The following ADAM9 variants were observed in gnomAD, a reference collection of about 807,000 sequenced individuals.
ADAM9 encodes the protein disintegrin and metalloproteinase domain-containing protein 9.
Under a neutral mutation model 108.1 loss-of-function variants are expected in ADAM9, and 54 were observed. The observed-to-expected ratio is 0.50, with a 90% CI of 0.40 to 0.63. The LOEUF (loss-of-function observed/expected upper bound fraction) is 0.63. Ranked by LOEUF, ADAM9 falls within the 20% of genes least tolerant of loss-of-function variation. ADAM9 has a pLI of 0.00. For missense variants in ADAM9, 830 were observed against 997.7 expected (o/e 0.83, Z 2.26); for synonymous variants, 316 against 336.0 (o/e 0.94, Z 0.65).
chr8:39,076,183 A>G (rs1210172585), intron 15 of ADAM9: 3 of 152,218 alleles, frequency 2.0e-5, no homozygotes, highest in Admixed American at 2.0e-4. Flanking sequence ...TCTGAGCACT[A>G]TGCTTCAAGA....
intron 16 of ADAM9, among the ~76,000 whole-genome samples, chr8:39,079,594 A>AATTT (rs1451422531): frequency 7.0e-6 from 1 of 142,200 alleles, no homozygotes. Context: ...AATATCATGA[A>AATTT]TTTTTTTTTT....
At chr8:39,052,924 T>C (rs1008061019) in intron 12 of ADAM9, among the ~76,000 whole-genome samples, 4 of 152,220 alleles carry the variant, frequency 2.6e-5, no homozygotes, top group African/African-American at 9.6e-5. Flanking sequence ...TTTTCTAAAG[T>C]GATTGTTCCA....
At chr8:39,061,648 A>G (rs1183859245) in intron 14 of ADAM9, among the ~76,000 whole-genome samples, 1 of 152,198 alleles carries the variant, frequency 6.6e-6, no homozygotes, top group Non-Finnish European at 1.5e-5. Flanking sequence ...TGGGAAGTCC[A>G]AGATAAAGGT....
At chr8:39,089,609 A>G (rs925569676) in intron 18 of ADAM9, among the ~76,000 whole-genome samples, 2 of 152,250 alleles carry the variant, frequency 1.3e-5, no homozygotes, top group Admixed American at 1.3e-4. Context: ...TTGGAAAAAT[A>G]TAAGTGTTTA....
chr8:39,023,259 A>G lies in ADAM9; in HGVS notation c.848A>G (p.Asn283Ser). 1 of 1,613,658 alleles carries G rather than the reference A, an allele frequency of 6.2e-7. No individual in the cohort carries two copies. Among genetic ancestry groups the G allele is most frequent in the South Asian group, 1.1e-5 (1 of 90,980 alleles). The change falls in exon 9 of 22, where the codon AAC becomes AGC. Residue 283 changes from asparagine to serine, a missense_variant. Coordinates refer to ENST00000487273, the MANE Select transcript of ADAM9 (RefSeq NM_003816.3). Reference protein sequence around the residue: ...IVGGAGDVLGNFVQWREKFLI... With the variant: ...IVGGAGDVLGSFVQWREKFLI... ...GGGGGTGCTGGTGATGTGCTGGGGA[A>G]CTTCGTGCAGTGGCGGGAAAAGTTT...
At chr8:39,029,722 C>A (rs991941079) in intron 11 of ADAM9, among the ~76,000 whole-genome samples, 2 of 152,124 alleles carry the variant, frequency 1.3e-5, no homozygotes, top group Admixed American at 6.5e-5. Flanking sequence ...GTCCCAGGTA[C>A]AAATCTCATT....
chr8:39,020,631 A>G (rs1052966100), intron 7 of ADAM9, among the ~76,000 whole-genome samples: 7 of 152,210 alleles, frequency 4.6e-5, no homozygotes, highest in Non-Finnish European at 8.8e-5. Flanking sequence ...TTTCATCTAC[A>G]TATGATTTTT....
chr8:39,058,857 C>T (rs967813560), intron 14 of ADAM9, among the ~76,000 whole-genome samples: 9 of 152,172 alleles, frequency 5.9e-5, no homozygotes, highest in African/African-American at 2.2e-4. Context: ...CCCATTTCCA[C>T]CCCTTGATAC....
rs1346007522 is a variant in ADAM9, at chr8:39,102,321, G to A, written c.2366+391G>A. Reference sequence around the variant, plus strand: ...AGGCATAGAAGACTAAAGAAGTGAGGAATTGTGGGGGTAAGGTCAGGAGAG... The same window carrying A: ...AGGCATAGAAGACTAAAGAAGTGAGAAATTGTGGGGGTAAGGTCAGGAGAG... On this transcript the variant is annotated intron_variant, in intron 21 of 21. Coordinates refer to ENST00000487273, the MANE Select transcript of ADAM9 (RefSeq NM_003816.3). Among the ~76,000 whole-genome samples the A allele has an allele frequency of 2.0e-5, 3 of 152,286 alleles. No homozygotes were observed. In the East Asian group the frequency reaches 5.8e-4, roughly 29 times the overall value.
chr8:39,009,634 A>G (rs1173819146), intron 2 of ADAM9, among the ~76,000 whole-genome samples: 1 of 152,120 alleles, frequency 6.6e-6, no homozygotes, highest in African/African-American at 2.4e-5. Context: ...TTCCCTCATT[A>G]ATACTTGGGA....
chr8:39,064,213 C>G (rs907715135), intron 14 of ADAM9, among the ~76,000 whole-genome samples: 1 of 152,068 alleles, frequency 6.6e-6, no homozygotes, highest in Non-Finnish European at 1.5e-5. Context: ...CATATCATGC[C>G]GTGAACTATC....
chr8:39,099,410 A>C (rs1214914766), intron 20 of ADAM9, among the ~76,000 whole-genome samples: 1 of 152,194 alleles, frequency 6.6e-6, no homozygotes, highest in Non-Finnish European at 1.5e-5. Context: ...TAAATATTTT[A>C]GGCAGCATTT....
Position 39,090,050 on chromosome 8 carries a change from T to C in ADAM9, c.2072T>C (p.Met691Thr). Residue 691 changes from methionine to threonine, a missense_variant, in exon 19 of 22, where the codon ATG becomes ACG. By Grantham distance (81) the Met-to-Thr change is moderately conservative. Transcript: ENST00000487273. ...GATGTAAAATTCTTCTCTCTAGAAA[T>C]GAATACTGCATTGAGGGACGGACTT... is the stretch of plus-strand genomic sequence containing the variant. The part of the protein sequence containing the change: ...SVDSGPTYNE[M>T]NTALRDGLLV... 1 of 1,613,894 alleles carries C rather than the reference T, an allele frequency of 6.2e-7. No individual in the cohort carries two copies. The highest frequency in any genetic ancestry group is 1.1e-5 in the South Asian group (1 of 91,072).
At chr8:39,047,885 GT>G (rs1023177637) in intron 12 of ADAM9, among the ~76,000 whole-genome samples, 29 of 138,302 alleles carry the variant, frequency 2.1e-4, no homozygotes, top group Admixed American at 2.9e-4. Flanking sequence ...GTTTATTTGA[GT>G]TTTTTTTTTT....
chr8:39,059,314 T>C (rs970466332), intron 14 of ADAM9, among the ~76,000 whole-genome samples: 8 of 152,256 alleles, frequency 5.3e-5, no homozygotes, highest in Non-Finnish European at 1.0e-4. Flanking sequence ...AAGGGAAAAA[T>C]GTAATCAACC....
At position 39,042,071 on chromosome 8, in the gene ADAM9, A is replaced by G. The variant is rs770900524; in HGVS notation, c.1256A>G (p.Asn419Ser). The G allele has an allele frequency of 1.9e-6, 3 of 1,614,004 alleles. No individual in the cohort carries two copies. The highest frequency in any genetic ancestry group is 1.7e-6 in the Non-Finnish European group (2 of 1,179,958). Reference protein sequence around the residue: ...DEAYSAPSCGNKLVDAGEECD... With the variant: ...DEAYSAPSCGSKLVDAGEECD... ...GCCTATAGTGCTCCCTCCTGTGGTAATAAGTTGGTGGACGCTGGGGAAGAG... is the reference window on the plus strand; with the variant it reads ...GCCTATAGTGCTCCCTCCTGTGGTAGTAAGTTGGTGGACGCTGGGGAAGAG... The change falls in exon 12 of 22, where the codon AAT becomes AGT. Residue 419 changes from asparagine to serine, a missense_variant. Asn to Ser is a conservative substitution (Grantham distance 46). Transcript: ENST00000487273.
intron 18 of ADAM9, among the ~76,000 whole-genome samples, chr8:39,089,613 G>A (rs1020634976): frequency 2.6e-5 from 4 of 152,252 alleles, no homozygotes; most frequent in African/African-American, 9.6e-5. Flanking sequence ...AAAAATATAA[G>A]TGTTTATCAG....
intron 11 of ADAM9, among the ~76,000 whole-genome samples, chr8:39,040,759 G>A (rs1046926271): frequency 2.6e-5 from 4 of 152,122 alleles, no homozygotes; most frequent in Admixed American, 1.3e-4. Context: ...CACGTAGACC[G>A]ATGGAACGGA....
intron 12 of ADAM9, among the ~76,000 whole-genome samples, chr8:39,049,345 A>G (rs1343009890): frequency 6.6e-6 from 1 of 152,094 alleles, no homozygotes; most frequent in Non-Finnish European, 1.5e-5. Flanking sequence ...TTACATACAA[A>G]AACTCTTCAC....
Sources: gnomAD v4.1 joint callset for allele counts (sites outside exome capture counted in the v4.1 genomes callset) on GRCh38, gnomAD v4.1.1 for gene constraint, MANE v1.5 for transcripts, NCBI Gene and HGNC (gene_info 2026-07-23, HGNC 2026-07-21) for gene names.